FAT4: variants seen among roughly 807,000 people sequenced by gnomAD.
FAT4 encodes the protein protocadherin Fat 4.
A neutral mutation model predicts 303.9 loss-of-function variants in FAT4; 84 were observed. The ratio of observed to expected loss-of-function variants is 0.28; its 90% CI spans 0.23 to 0.33. FAT4 has a LOEUF of 0.33. Ranked by LOEUF, FAT4 falls within the 10% of genes least tolerant of loss-of-function variation. FAT4 has a pLI of 1.00. For missense variants in FAT4, 6,005 were observed against 6,146.8 expected (o/e 0.98, Z 0.77); for synonymous variants, 2,307 against 2,298.8 (o/e 1.00, Z -0.10).
intron 9 of FAT4, among the ~76,000 whole-genome samples, chr4:125,448,050 G>C (rs1247494836): frequency 6.6e-6 from 1 of 152,052 alleles, no homozygotes; most frequent in East Asian, 1.9e-4. Flanking sequence ...AGACACACTA[G>C]AGCAACGGTA....
chr4:125,456,737 GACAGAGCTAATAT>G (rs1360122277), intron 10 of FAT4, among the ~76,000 whole-genome samples: 1 of 152,134 alleles, frequency 6.6e-6, no homozygotes, highest in East Asian at 1.9e-4. Context: ...GGCTCAGGAA[GACAGAGCTAATAT>G]ACCAAAACAT....
chr4:125,349,278 T>C (rs1003516018), intron 2 of FAT4, among the ~76,000 whole-genome samples: 8 of 151,790 alleles, frequency 5.3e-5, no homozygotes, highest in African/African-American at 1.9e-4. Context: ...AAGTAATGCA[T>C]TATTCAGCAT....
chr4:125,428,396 A>G (rs571386713), intron 7 of FAT4, among the ~76,000 whole-genome samples: 8 of 152,198 alleles, frequency 5.3e-5, no homozygotes, highest in Non-Finnish European at 1.0e-4. Context: ...TTATTAGTTT[A>G]ATGGTTTTTC....
chr4:125,324,414 T>C (rs1200699128), intron 2 of FAT4, among the ~76,000 whole-genome samples: 1 of 152,176 alleles, frequency 6.6e-6, no homozygotes, highest in Non-Finnish European at 1.5e-5. Context: ...GCTCCATACA[T>C]GTTTGCTGAA....
intron 2 of FAT4, among the ~76,000 whole-genome samples, chr4:125,325,243 T>C (rs1731108602): frequency 6.6e-6 from 1 of 152,208 alleles, no homozygotes; most frequent in African/African-American, 2.4e-5. Flanking sequence ...TAATGATTTT[T>C]TTTTACCTAT....
chr4:125,395,987 ATAGT>A (rs1428656711), intron 2 of FAT4, among the ~76,000 whole-genome samples: 1 of 152,198 alleles, frequency 6.6e-6, no homozygotes, highest in African/African-American at 2.4e-5. Flanking sequence ...AGATTGATTA[ATAGT>A]TAGTTAGTTC....
At position 125,450,212 on chromosome 4, in the gene FAT4, A is replaced by G. The variant is rs1324361040; in HGVS notation, c.9202A>G (p.Asn3068Asp). 3.1e-6 allele frequency: 5 copies of G among 1,613,814 alleles called. No individual in the cohort carries two copies. Among genetic ancestry groups the G allele is most frequent in the East Asian group, 2.2e-5 (1 of 44,874 alleles). Residue 3068 changes from asparagine to aspartate, a missense_variant, in exon 10 of 18, where the codon AAC becomes GAC. By Grantham distance (23) the Asn-to-Asp change is conservative (BLOSUM62 1). Coordinates refer to ENST00000394329, the MANE Select transcript of FAT4 (RefSeq NM_001291303.3). ...CACAGTCACTGCAAAGGATAAGGGA[A>G]ACCCTCCACTTTCTTCCCAAGCAAC... ...FITVTAKDKG[N>D]PPLSSQATVH...
rs1730538024 is a variant in FAT4, at chr4:125,315,474, G to A, written c.-516G>A. 6.6e-6 allele frequency among the ~76,000 whole-genome samples: 1 copy of A among 152,188 alleles called. No homozygotes were observed. On this transcript the variant is annotated 5_prime_UTR_variant, in exon 1 of 18. Coordinates refer to ENST00000394329, the MANE Select transcript of FAT4 (RefSeq NM_001291303.3). ...CCCCCCCTGGCATGGTGAGGGGAGG[G>A]CGACTCGGGGACCGCACGCTGTTTC...
At chr4:125,482,246 T>C (rs1727256504) in intron 16 of FAT4, among the ~76,000 whole-genome samples, 1 of 152,208 alleles carries the variant, frequency 6.6e-6, no homozygotes, top group Admixed American at 6.5e-5. Context: ...ATATAAACTC[T>C]GTGGAGTAAA....
intron 3 of FAT4, among the ~76,000 whole-genome samples, chr4:125,404,461 A>T (rs528289525): frequency 6.6e-6 from 1 of 152,136 alleles, no homozygotes; most frequent in African/African-American, 2.4e-5. Flanking sequence ...CTTTTGTTCT[A>T]TATTAAAATT....
chr4:125,401,788 G>C (rs973351168), intron 3 of FAT4, among the ~76,000 whole-genome samples: 4 of 151,454 alleles, frequency 2.6e-5, no homozygotes, highest in Non-Finnish European at 4.4e-5. Context: ...TTTGCTTCGT[G>C]GTACCATACA....
Position 125,449,428 on chromosome 4 carries a change from T to C in FAT4, c.8418T>C (p.Asn2806=). Residue 2806 remains asparagine, a synonymous_variant, in exon 10 of 18, where the codon AAT becomes AAC. Transcript: ENST00000394329. ...VTTSDEDIGI[N]AISRYSIMDA... ...CTTCTGATGAAGACATTGGGATCAA[T>C]GCAATTAGTAGATATTCTATAATGG... 6.2e-7 allele frequency: 1 copy of C among 1,613,846 alleles called. No homozygotes were observed. The highest frequency in any genetic ancestry group is 8.5e-7 in the Non-Finnish European group (1 of 1,179,830).
intron 12 of FAT4, among the ~76,000 whole-genome samples, chr4:125,472,729 G>T (rs1228121892): frequency 6.6e-6 from 1 of 152,088 alleles, no homozygotes; most frequent in Non-Finnish European, 1.5e-5. Flanking sequence ...TTAAAATACA[G>T]AACTATTTTT....
chr4:125,423,937 G>T (rs1331096665), intron 7 of FAT4, among the ~76,000 whole-genome samples: 1 of 152,218 alleles, frequency 6.6e-6, no homozygotes, highest in Non-Finnish European at 1.5e-5. Context: ...CTCCCATTTG[G>T]AATGGGTGTA....
chr4:125,321,004 A>G lies in FAT4; in HGVS notation c.4593A>G (p.Ser1531=), dbSNP rs1730916623. The change falls in exon 2 of 18, where the codon TCA becomes TCG. Residue 1531 remains serine (S), a synonymous_variant. Coordinates refer to ENST00000394329, the MANE Select transcript of FAT4 (RefSeq NM_001291303.3). ...DLNDNVPMFI[S]QNALAADPSA... is the part of the protein sequence containing the mutation. ...ATGACAATGTCCCAATGTTTATATC[A>G]CAAAACGCCCTTGCTGCAGACCCAT... The G allele has an allele frequency of 4.3e-6, 7 of 1,614,056 alleles. No individual in the cohort carries two copies. Among genetic ancestry groups the G allele is most frequent in the Non-Finnish European group, 4.2e-6 (5 of 1,180,026 alleles).
intron 9 of FAT4, among the ~76,000 whole-genome samples, 166 bp from the exon 10 acceptor site, chr4:125,448,295 G>A (rs184804383): frequency 6.6e-6 from 1 of 152,088 alleles, no homozygotes; most frequent in African/African-American, 2.4e-5. Flanking sequence ...GAGCAGATTT[G>A]ACTTGTGAAC....
intron 2 of FAT4, among the ~76,000 whole-genome samples, chr4:125,333,057 C>G (rs1453696315): frequency 6.6e-6 from 1 of 151,566 alleles, no homozygotes. Flanking sequence ...ATATATACAA[C>G]AAAGAGATAC....
At position 125,415,465 on chromosome 4, in the gene FAT4, C is replaced by T; in HGVS notation, c.6502C>T (p.Leu2168Phe). 1.2e-6 allele frequency: 2 copies of T among 1,614,096 alleles called. No individual in the cohort carries two copies. The highest frequency in any genetic ancestry group is 1.7e-6 in the Non-Finnish European group (2 of 1,179,996). Residue 2168 changes from leucine (L) to phenylalanine (F), a missense_variant, in exon 6 of 18, where the codon CTT becomes TTT. By Grantham distance (22) the Leu-to-Phe change is conservative. Coordinates refer to ENST00000394329, the MANE Select transcript of FAT4 (RefSeq NM_001291303.3). Reference protein sequence around the residue: ...LYKVEINENTLTGTDIIQVFA... With the variant: ...LYKVEINENTFTGTDIIQVFA... ...TAAAGTGGAGATTAATGAAAACACA[C>T]TTACTGGAACAGATATAATACAAGT...
Position 125,453,821 on chromosome 4 carries a change from A to G in FAT4, c.11800+1011A>G, listed in dbSNP as rs182299072. ...CACAGCTTATCTTGACAGACTAGAA[A>G]GCAGCATTAAACATAGCAGTAAAAA... On this transcript the variant is annotated intron_variant, in intron 10 of 17. Coordinates refer to ENST00000394329, the MANE Select transcript of FAT4 (RefSeq NM_001291303.3). 2.9e-4 allele frequency among the ~76,000 whole-genome samples: 44 copies of G among 152,344 alleles called. No homozygotes were observed. In the East Asian group the frequency reaches 8.1e-3, roughly 28 times the overall value.
Sources: gnomAD v4.1 joint callset for allele counts (sites outside exome capture counted in the v4.1 genomes callset) on GRCh38, gnomAD v4.1.1 for gene constraint, MANE v1.5 for transcripts, NCBI Gene and HGNC (gene_info 2026-07-23, HGNC 2026-07-21) for gene names.